KDR: variants seen among roughly 807,000 people sequenced by gnomAD.
The protein encoded by KDR is vascular endothelial growth factor receptor 2.
A neutral mutation model predicts 160.9 loss-of-function variants in KDR; 43 were observed. That is an observed-to-expected ratio of 0.27 (90% CI 0.21 to 0.34). KDR has a LOEUF of 0.34. Among genes scored for constraint, KDR ranks in the 10% least tolerant of loss-of-function variants. The probability of loss-of-function intolerance (pLI) is 1.00; values close to 1 mark genes in which losing one functional copy is unlikely to be tolerated. For synonymous variants in KDR, 617 were observed against 600.1 expected (o/e 1.03, Z -0.41); for missense variants, 1,469 against 1,666.4 (o/e 0.88, Z 2.06).
At position 55,104,725 on chromosome 4, in the gene KDR, C is replaced by A. The variant is rs1720396514; in HGVS notation, c.1905G>T (p.Gln635His). The A allele has an allele frequency of 6.2e-7, 1 of 1,613,714 alleles. No homozygotes were observed. ...CAAGGCAGACATAGTCTCCTTGGTCCTGCAAGGATGCATTCTTAAGCTCCA... is the reference window on the plus strand; with the variant it reads ...CAAGGCAGACATAGTCTCCTTGGTCATGCAAGGATGCATTCTTAAGCTCCA... ...LIMELKNASL[Q>H]DQGDYVCLAQ... is the part of the protein sequence containing the mutation. The change falls in exon 13 of 30, where the codon CAG becomes CAT. Residue 635 changes from glutamine to histidine, a missense_variant. Physicochemically the swap from Gln to His is conservative, Grantham distance 24. Transcript: ENST00000263923.
intron 22 of KDR, among the ~76,000 whole-genome samples, chr4:55,091,328 T>C (rs1403302443): frequency 1.3e-5 from 2 of 152,138 alleles, no homozygotes; most frequent in African/African-American, 4.8e-5. Flanking sequence ...GTTTTTGACT[T>C]TTCCCCCCAA....
At chr4:55,086,615 C>G (rs1317818711) in intron 27 of KDR, among the ~76,000 whole-genome samples, 1 of 152,214 alleles carries the variant, frequency 6.6e-6, no homozygotes, top group East Asian at 1.9e-4. Flanking sequence ...AAAAATATGC[C>G]TAATGCTTTT....
chr4:55,096,470 A>G (rs1264795985), intron 18 of KDR, 128 bp from the exon 19 acceptor site: 1 of 683,346 alleles, frequency 1.5e-6, no homozygotes, highest in Non-Finnish European at 2.7e-6. Flanking sequence ...CCTAGTTTAC[A>G]GACCACATGC....
intron 3 of KDR, among the ~76,000 whole-genome samples, chr4:55,116,069 T>C (rs1050833605): frequency 6.6e-6 from 1 of 152,196 alleles, no homozygotes; most frequent in Non-Finnish European, 1.5e-5. Context: ...CAGTCATTGA[T>C]ATCTTCAATG....
At chr4:55,107,203 A>C (rs1720466318) in intron 10 of KDR, among the ~76,000 whole-genome samples, 1 of 152,200 alleles carries the variant, frequency 6.6e-6, no homozygotes, top group South Asian at 2.1e-4. Context: ...CATAGTGGCC[A>C]TTTCAAAAAC....
intron 22 of KDR, among the ~76,000 whole-genome samples, chr4:55,090,480 C>G (rs1159011552): frequency 6.6e-6 from 1 of 152,190 alleles, no homozygotes; most frequent in East Asian, 1.9e-4. Flanking sequence ...AAATCAGAAA[C>G]AAGGGGCTCT....
intron 29 of KDR, 76 bp downstream of exon 29, chr4:55,081,880 C>A: frequency 1.0e-6 from 1 of 969,484 alleles, no homozygotes; most frequent in Non-Finnish European, 1.7e-6. Flanking sequence ...GAAAATTCTG[C>A]ACTTACACTG....
intron 14 of KDR, 134 bp downstream of exon 14, chr4:55,102,228 G>C: frequency 7.7e-7 from 1 of 1,291,096 alleles, no homozygotes; most frequent in Non-Finnish European, 1.1e-6. Context: ...CCAATTCTAA[G>C]TCTGTGAAAT....
At chr4:55,090,882 A>G (rs1199456515) in intron 22 of KDR, among the ~76,000 whole-genome samples, 27 of 120,396 alleles carry the variant, frequency 2.2e-4, no homozygotes, top group African/African-American at 8.4e-4. Context: ...TTTGAGAAGG[A>G]ATCTCACTCT....
intron 15 of KDR, among the ~76,000 whole-genome samples, chr4:55,100,148 TG>T (rs1352887109): frequency 6.6e-6 from 1 of 152,178 alleles, no homozygotes; most frequent in Non-Finnish European, 1.5e-5. Flanking sequence ...GCTGTGCGGA[TG>T]GCCCACTACG....
At chr4:55,113,747 A>G (rs1057245350) in intron 6 of KDR, among the ~76,000 whole-genome samples, 4 of 152,242 alleles carry the variant, frequency 2.6e-5, no homozygotes, top group African/African-American at 9.6e-5. Flanking sequence ...AAATGTGACC[A>G]CTGTTTAAGG....
At chr4:55,081,901 G>C (rs150001331) in intron 29 of KDR, 55 bp downstream of exon 29, 1 of 1,270,510 alleles carries the variant, frequency 7.9e-7, no homozygotes, top group Non-Finnish European at 1.2e-6. Context: ...AAAGTCCTAA[G>C]TTCCTTCCAA....
In KDR at chr4:55,120,677, T is replaced by G. The variant is rs188350235; in HGVS notation, c.161+420A>C. On this transcript the variant is annotated intron_variant, in intron 2 of 29. Transcript: ENST00000263923. ...AAAGTTTTTGGAAAGGGATAATAAG[T>G]GTTCAAGAATCATACCAAGCATAAT... is the stretch of plus-strand genomic sequence containing the variant. Among the ~76,000 whole-genome samples, 23 of 152,328 alleles carry G rather than the reference T, an allele frequency of 1.5e-4. 1 individual carries two copies. Among genetic ancestry groups the G allele is most frequent in the Admixed American group, 1.3e-3 (20 of 15,302 alleles).
chr4:55,089,119 A>G, intron 25 of KDR, 146 bp from the exon 26 acceptor site: 1 of 737,366 alleles, frequency 1.4e-6, no homozygotes, highest in African/African-American at 1.7e-5. Context: ...ACAGAGTCCC[A>G]TACTCCAGAG....
At chr4:55,084,024 T>C (rs1719800416) in intron 27 of KDR, among the ~76,000 whole-genome samples, 1 of 152,212 alleles carries the variant, frequency 6.6e-6, no homozygotes, top group Admixed American at 6.5e-5. Context: ...CCTGACACTG[T>C]GCCAGAAGCT....
At position 55,125,149 on chromosome 4, in the gene KDR, C is replaced by T. The variant is rs143520183; in HGVS notation, c.67+78G>A. On this transcript the variant is annotated intron_variant, in intron 1 of 29. Coordinates refer to ENST00000263923, the MANE Select transcript of KDR (RefSeq NM_002253.4). ...GTCCAACTCTCCAGCTCTACGATTC[C>T]GAGTTAGATCTGGCTTTCAGGTCCT... 4 of 1,306,024 alleles carry T rather than the reference C, an allele frequency of 3.1e-6. No individual in the cohort carries two copies. The African/African-American group carries it at 4.3e-5, about 14-fold the overall frequency. 80.9% of individuals were successfully genotyped at this position (1,306,024 alleles called of 1,614,324 possible).
intron 27 of KDR, among the ~76,000 whole-genome samples, chr4:55,086,119 C>T (rs1719857061): frequency 6.6e-6 from 1 of 152,196 alleles, no homozygotes; most frequent in Non-Finnish European, 1.5e-5. Context: ...ATTGTAGTCT[C>T]ATCTCATTAC....
chr4:55,109,644 T>A (rs1720525706), intron 9 of KDR, among the ~76,000 whole-genome samples: 1 of 152,108 alleles, frequency 6.6e-6, no homozygotes, highest in Non-Finnish European at 1.5e-5. Context: ...ACTCTATGTC[T>A]CTCCTCCTGG....
At chr4:55,094,714 TC>T in intron 21 of KDR, 87 bp downstream of exon 21, 2 of 1,256,672 alleles carry the variant, frequency 1.6e-6, no homozygotes, top group Non-Finnish European at 2.3e-6. Context: ...ATTGGACTTT[TC>T]CCATGATCAA....
Sources: allele counts gnomAD v4.1 joint callset (sites outside exome capture counted in the v4.1 genomes callset), GRCh38; gene constraint gnomAD v4.1.1; transcripts MANE v1.5; gene names NCBI Gene and HGNC (gene_info 2026-07-23, HGNC 2026-07-21).